The following RAB3GAP2 variants were observed in gnomAD, a reference collection of about 807,000 sequenced individuals.
The protein encoded by RAB3GAP2 is rab3 GTPase-activating protein non-catalytic subunit.
RAB3GAP2 carries 87 observed loss-of-function variants against 185.3 expected under a neutral mutation model. The ratio of observed to expected loss-of-function variants is 0.47; its 90% CI spans 0.39 to 0.56. The LOEUF is 0.56. Ranked by LOEUF, RAB3GAP2 falls within the 20% of genes least tolerant of loss-of-function variation. The pLI is 0.00. For missense variants in RAB3GAP2, 1,492 were observed against 1,638.2 expected, an observed-to-expected ratio of 0.91 and a Z score of 1.54; for synonymous variants, 554 against 576.1, an observed-to-expected ratio of 0.96 and a Z score of 0.55.
intron 7 of RAB3GAP2, among the ~76,000 whole-genome samples, chr1:220,208,907 G>A (rs1169973619): frequency 6.6e-6 from 1 of 152,138 alleles, no homozygotes; most frequent in African/African-American, 2.4e-5. Flanking sequence ...AGTAGAGACA[G>A]GGTTTCACCG....
At chr1:220,234,592 C>A (rs931128974) in intron 1 of RAB3GAP2, among the ~76,000 whole-genome samples, 3 of 152,154 alleles carry the variant, frequency 2.0e-5, no homozygotes, top group African/African-American at 7.2e-5. Context: ...TTAACAAATA[C>A]TCTATTAAAC....
Position 220,173,048 on chromosome 1 carries a change from G to A in RAB3GAP2, c.2311-306C>T, listed in dbSNP as rs572117203. 1.1e-4 allele frequency among the ~76,000 whole-genome samples: 16 copies of A among 152,292 alleles called. No individual in the cohort carries two copies. The South Asian group carries it at 1.2e-3, about 12-fold the overall frequency. ...ATTACCAGACAGGAGTTACTACTAC[G>A]TGAGCATAGATCTGCTGTTGATGAA... On this transcript the variant is annotated intron_variant, in intron 21 of 34. Coordinates refer to ENST00000358951, the MANE Select transcript of RAB3GAP2 (RefSeq NM_012414.4).
rs777808924 is a variant in RAB3GAP2 at position 220,190,192 on chromosome 1, T to C, written c.1632-46A>G. On this transcript the variant is annotated intron_variant, in intron 15 of 34. Transcript: ENST00000358951. The stretch of plus-strand genomic sequence containing the variant: ...AATTATTACAGAATGTGAAATTATT[T>C]TCTTTCTAATTCTGACACACTCCAA... 1.9e-6 allele frequency: 3 copies of C among 1,557,480 alleles called. No homozygotes were observed. The South Asian group carries it at 3.4e-5, about 18-fold the overall frequency.
At chr1:220,186,005 T>G (rs17007152) in intron 17 of RAB3GAP2, among the ~76,000 whole-genome samples, 40 of 152,194 alleles carry the variant, frequency 2.6e-4, no homozygotes, top group African/African-American at 9.6e-4. Flanking sequence ...CTTAACAGAA[T>G]AGCCAAATCA....
chr1:220,217,833 G>C (rs1162029621), intron 2 of RAB3GAP2, among the ~76,000 whole-genome samples: 1 of 152,156 alleles, frequency 6.6e-6, no homozygotes, highest in Non-Finnish European at 1.5e-5. Flanking sequence ...TTCATGGTAA[G>C]TACAAGTTAA....
At chr1:220,210,759 G>A in intron 6 of RAB3GAP2, 42 bp downstream of exon 6, 1 of 1,547,228 alleles carries the variant, frequency 6.5e-7, no homozygotes, top group South Asian at 1.1e-5. Flanking sequence ...ACCAGATATT[G>A]CAGTCAACTA....
In RAB3GAP2 at chr1:220,151,756, T is replaced by C. The variant is rs867127053; in HGVS notation, c.3876A>G (p.Leu1292=). 1.9e-6 allele frequency: 3 copies of C among 1,607,636 alleles called. No individual in the cohort carries two copies. Among genetic ancestry groups the C allele is most frequent in the Middle Eastern group, 3.3e-4 (2 of 6,024 alleles). The change falls in exon 34 of 35, where the codon CTA becomes CTG. Residue 1292 remains leucine, a synonymous_variant. Coordinates refer to ENST00000358951, the MANE Select transcript of RAB3GAP2 (RefSeq NM_012414.4). ...CAAGGACCTCTTTGTCATGAACCTG[T>C]AGAATGGCCTGAAGATAGGAACATG... The part of the protein sequence containing the change: ...GVDHLGEEAI[L]QVHDKEVLAS...
chr1:220,180,167 AAAG>A (rs1658374675), intron 21 of RAB3GAP2, among the ~76,000 whole-genome samples: 1 of 152,186 alleles, frequency 6.6e-6, no homozygotes, highest in Non-Finnish European at 1.5e-5. Context: ...TCTCAAAAAA[AAAG>A]AAAAGAGGGA....
chr1:220,257,283 C>G (rs1036251393), intron 1 of RAB3GAP2, among the ~76,000 whole-genome samples: 4 of 151,758 alleles, frequency 2.6e-5, no homozygotes, highest in African/African-American at 9.7e-5. Context: ...GAGGCTGAGG[C>G]AGGAGACTCA....
chr1:220,261,195 A>C (rs1381903119), intron 1 of RAB3GAP2, among the ~76,000 whole-genome samples: 1 of 152,184 alleles, frequency 6.6e-6, no homozygotes, highest in Non-Finnish European at 1.5e-5. Flanking sequence ...ATCTATGTTC[A>C]AGGGACCATT....
chr1:220,179,959 C>G (rs185143967), intron 21 of RAB3GAP2, among the ~76,000 whole-genome samples: 1 of 151,940 alleles, frequency 6.6e-6, no homozygotes, highest in South Asian at 2.1e-4. Context: ...GTCAAGAGAT[C>G]GAGACCATCC....
At chr1:220,164,360 T>A (rs1330984924) in intron 27 of RAB3GAP2, among the ~76,000 whole-genome samples, 2 of 152,070 alleles carry the variant, frequency 1.3e-5, no homozygotes, top group Non-Finnish European at 2.9e-5. Flanking sequence ...AGTCAGCTGC[T>A]TGGGGAACAG....
At chr1:220,248,249 G>GT (rs1659856467) in intron 1 of RAB3GAP2, among the ~76,000 whole-genome samples, 1 of 152,122 alleles carries the variant, frequency 6.6e-6, no homozygotes, top group Admixed American at 6.5e-5. Flanking sequence ...AAGGGTAAAA[G>GT]TTTTCAGTTA....
At position 220,191,269 on chromosome 1, in the gene RAB3GAP2, T is replaced by C. The variant is rs1183188303; in HGVS notation, c.1286A>G (p.Gln429Arg). Residue 429 changes from glutamine to arginine, a missense_variant, in exon 14 of 35, where the codon CAA becomes CGA. Physicochemically the swap from Gln to Arg is conservative, Grantham distance 43. Around this residue, in one of 5 missense-constraint regions of RAB3GAP2, gnomAD observed 681 missense variants for 689.1 expected, o/e 0.99. Coordinates refer to ENST00000358951, the MANE Select transcript of RAB3GAP2 (RefSeq NM_012414.4). ...CTCTACAGTTTGAATCCATCCAATT[T>C]GTGCGTCGCGGTACCCTTAGAGACA... Reference protein sequence around the residue: ...IRMWKGYRDAQIGWIQTVEDL... With the variant: ...IRMWKGYRDARIGWIQTVEDL... 2 of 1,597,998 alleles carry C rather than the reference T, an allele frequency of 1.3e-6. No individual in the cohort carries two copies. The highest frequency in any genetic ancestry group is 1.4e-5 in the African/African-American group (1 of 72,926).
chr1:220,216,933 G>GTT (rs1461947882), intron 2 of RAB3GAP2, among the ~76,000 whole-genome samples: 1 of 150,880 alleles, frequency 6.6e-6, no homozygotes, highest in Non-Finnish European at 1.5e-5. Context: ...TCTGTCCCAT[G>GTT]TTTTCAAAAT....
In RAB3GAP2 at chr1:220,235,570, T is replaced by C. The variant is rs139520808; in HGVS notation, c.116-2707A>G. On this transcript the variant is annotated intron_variant, in intron 1 of 34. Transcript: ENST00000358951. ...ATTCATGCATTCAACAAACACATCT[T>C]TTATGTTCTGGGAACTGTGCTAAGT... Among the ~76,000 whole-genome samples the C allele has an allele frequency of 3.4e-3, 516 of 152,304 alleles. 17 individuals carry two copies. The highest frequency in any genetic ancestry group is 0.029 in the Admixed American group (438 of 15,296).
chr1:220,176,980 C>G (rs946001072), intron 21 of RAB3GAP2, among the ~76,000 whole-genome samples: 3 of 152,182 alleles, frequency 2.0e-5, no homozygotes, highest in African/African-American at 7.2e-5. Flanking sequence ...GCCAACAAAA[C>G]AGGCCCCCCA....
In RAB3GAP2 at chr1:220,210,460, C is replaced by T. The variant is rs751363013; in HGVS notation, c.540G>A (p.Leu180=). The T allele has an allele frequency of 3.0e-5, 49 of 1,613,974 alleles. No individual in the cohort carries two copies. Among genetic ancestry groups the T allele is most frequent in the Non-Finnish European group, 4.1e-5 (48 of 1,179,972 alleles). The change falls in exon 7 of 35, where the codon TTG becomes TTA. Residue 180 remains leucine, a synonymous_variant. Transcript: ENST00000358951. ...ENGVLLLAQL[L]NEDPVLQLKC... is the part of the protein sequence containing the mutation. ...TAAGTTGAAGTACTGGGTCCTCATTCAAAAGCTGTGCAAGCAAGAGCACAC... is the reference window on the plus strand; with the variant it reads ...TAAGTTGAAGTACTGGGTCCTCATTTAAAAGCTGTGCAAGCAAGAGCACAC...
chr1:220,264,617 TC>T (rs762807778), intron 1 of RAB3GAP2, among the ~76,000 whole-genome samples: 5 of 152,054 alleles, frequency 3.3e-5, no homozygotes, highest in Non-Finnish European at 5.9e-5. Flanking sequence ...AAATCTAAAC[TC>T]CTTCACCAAC....
Sources: allele counts gnomAD v4.1 joint callset (sites outside exome capture counted in the v4.1 genomes callset), GRCh38; gene constraint gnomAD v4.1.1; regional missense constraint gnomAD v4.1.1; transcripts MANE v1.5; gene names NCBI Gene and HGNC (gene_info 2026-07-23, HGNC 2026-07-21).